Variants in NFAT5 observed in about 807,000 individuals in gnomAD.
The protein encoded by NFAT5 is nuclear factor of activated T-cells 5.
NFAT5 carries 31 observed loss-of-function variants against 166.5 expected under a neutral mutation model. The observed-to-expected ratio is 0.19, with a 90% confidence interval of 0.14 to 0.25. NFAT5 has a LOEUF of 0.25. Among genes scored for constraint, NFAT5 ranks in the 10% least tolerant of loss-of-function variants. The pLI, the probability that NFAT5 is intolerant of heterozygous loss-of-function variation, is 1.00. For missense variants in NFAT5, 1,449 were observed against 1,821.8 expected, an observed-to-expected ratio of 0.80 and a Z score of 3.72; for synonymous variants, 612 against 639.7, an observed-to-expected ratio of 0.96 and a Z score of 0.65.
intron 2 of NFAT5, among the ~76,000 whole-genome samples, chr16:69,582,771 T>C (rs2031782709): frequency 6.6e-6 from 1 of 151,882 alleles, no homozygotes; most frequent in Admixed American, 6.6e-5. Context: ...ACTGTAGCTT[T>C]GTAGAAGTTT....
chr16:69,581,033 TTTTG>T (rs1425329093), intron 2 of NFAT5, among the ~76,000 whole-genome samples: 2 of 152,238 alleles, frequency 1.3e-5, no homozygotes, highest in Non-Finnish European at 2.9e-5. Context: ...ACAAAGTTCA[TTTTG>T]TTTGTTTGTT....
At position 69,566,154 on chromosome 16, in the gene NFAT5, G is replaced by A; in HGVS notation, c.-148G>A. ...CGTTTCCTCGGTCCTCGGCCCAGTG[G>A]AAGTCACTACCCTCGAGGAGGAGGC... On this transcript the variant is annotated 5_prime_UTR_variant, in exon 1 of 15. Transcript: ENST00000349945. This position sits in a 1 kb window ranked among gnomAD's most constrained non-coding sequence, Gnocchi z 5.7. The A allele has an allele frequency of 1.6e-6, 1 of 631,338 alleles. No individual in the cohort carries two copies. The highest frequency in any genetic ancestry group is 2.7e-6 in the Non-Finnish European group (1 of 367,624). The allele number at this position is 631,338 out of a possible 1,614,324, so 39.1% of individuals were successfully genotyped here.
At position 69,648,430 on chromosome 16, in the gene NFAT5, A is replaced by T. The variant is rs991240479; in HGVS notation, c.812+844A>T. ...AGCTTTTTTCCTTTGATACTAATAC[A>T]TTGATTGTACAGAGTCGATATTTTT... On this transcript the variant is annotated intron_variant, in intron 4 of 14. Coordinates refer to ENST00000349945, the MANE Select transcript of NFAT5 (RefSeq NM_138713.4). 17 of 982,492 alleles carry T rather than the reference A, an allele frequency of 1.7e-5. No individual in the cohort carries two copies. In the African/African-American group the frequency reaches 2.8e-4, roughly 16 times the overall value. 60.9% of individuals were successfully genotyped at this position (982,492 alleles called of 1,614,324 possible). A position where few individuals can be genotyped will look rare whatever the true frequency, so the allele number is the denominator to read the frequency against.
At chr16:69,673,095 C>G (rs1397060201) in intron 9 of NFAT5, among the ~76,000 whole-genome samples, 1 of 151,872 alleles carries the variant, frequency 6.6e-6, no homozygotes, top group Non-Finnish European at 1.5e-5. Flanking sequence ...GGCAGTTATG[C>G]CAGCTACAGT....
chr16:69,604,210 A>G (rs150002430), intron 2 of NFAT5, among the ~76,000 whole-genome samples: 3 of 152,322 alleles, frequency 2.0e-5, no homozygotes, highest in Non-Finnish European at 4.4e-5. Context: ...ACGTGCACAC[A>G]CACACTCCGT....
rs1473120096 is a variant in NFAT5 at position 69,703,749 on chromosome 16, T to C, written c.*7398T>C. The C allele has an allele frequency of 1.3e-5, 2 of 152,598 alleles. No homozygotes were observed. Among genetic ancestry groups the C allele is most frequent in the African/African-American group, 4.8e-5 (2 of 41,440 alleles). 9.5% of individuals were successfully genotyped at this position (152,598 alleles called of 1,614,324 possible). A position where few individuals can be genotyped will look rare whatever the true frequency, so the allele number is the denominator to read the frequency against. ...CTCTAGTTACATTCCTCCCTTCTTA[T>C]TCCCTTTTTCTCTTCCTCACTTTAT... On this transcript the variant is annotated 3_prime_UTR_variant, in exon 15 of 15. Transcript: ENST00000349945.
At position 69,653,313 on chromosome 16, in the gene NFAT5, G is replaced by A; in HGVS notation, c.890G>A (p.Gly297Glu). Residue 297 changes from glycine (G) to glutamate (E), a missense_variant, in exon 5 of 15, where the codon GGA becomes GAA. This residue lies in a region of NFAT5 where 115 missense variants were observed against 177.1 expected (regional missense o/e 0.65). Coordinates refer to ENST00000349945, the MANE Select transcript of NFAT5 (RefSeq NM_138713.4). The part of the protein sequence containing the change: ...LCGQYPVKSE[G>E]KELKIVVQPE... ...GGACAATATCCTGTTAAAAGTGAGG[G>A]AAAGGAGCTGAAGATAGTTGTACAA... The A allele has an allele frequency of 1.2e-6, 2 of 1,612,832 alleles. No individual in the cohort carries two copies. The highest frequency in any genetic ancestry group is 1.7e-6 in the Non-Finnish European group (2 of 1,179,596).
intron 2 of NFAT5, among the ~76,000 whole-genome samples, chr16:69,573,664 T>C (rs538842128): frequency 4.1e-4 from 63 of 152,298 alleles, no homozygotes; most frequent in African/African-American, 1.4e-3. Flanking sequence ...TCCTAAACTC[T>C]GCTTTCATTA....
At chr16:69,658,941 TTTTGTAATCTGCTTTTTACTTAACATATC>T (rs2036007313) in intron 6 of NFAT5, among the ~76,000 whole-genome samples, 1 of 152,202 alleles carries the variant, frequency 6.6e-6, no homozygotes, top group Non-Finnish European at 1.5e-5. Flanking sequence ...GTACCCACTG[TTTTGTAATCTGCTTTTTACTTAACATATC>T]ATGAGCATTT....
chr16:69,688,835 G>A (rs1204746031), intron 11 of NFAT5, among the ~76,000 whole-genome samples: 1 of 151,640 alleles, frequency 6.6e-6, no homozygotes, highest in Non-Finnish European at 1.5e-5. Context: ...ATGATCTAAT[G>A]GAATTCAAAA....
At chr16:69,691,669 G>A in intron 12 of NFAT5, 80 bp from the exon 13 acceptor site, 1 of 1,099,046 alleles carries the variant, frequency 9.1e-7, no homozygotes, top group Non-Finnish European at 1.3e-6. Context: ...TATTTTTAGA[G>A]CAATAGTGAT....
chr16:69,570,650 A>G (rs946212468), intron 2 of NFAT5, among the ~76,000 whole-genome samples: 3 of 152,076 alleles, frequency 2.0e-5, no homozygotes, highest in African/African-American at 7.2e-5. Context: ...GGAATATTCT[A>G]GTTTATTTCA....
intron 10 of NFAT5, among the ~76,000 whole-genome samples, chr16:69,684,179 A>C (rs1158569810): frequency 6.6e-6 from 1 of 150,662 alleles, no homozygotes; most frequent in Non-Finnish European, 1.5e-5. Context: ...GAATCACTTG[A>C]ACCTGGGAGG....
chr16:69,584,320 C>CTT lies in NFAT5; in HGVS notation c.127+15785_127+15786dup, dbSNP rs544753398. Among the ~76,000 whole-genome samples the CTT allele has an allele frequency of 6.0e-4, 84 of 139,674 alleles. 1 individual carries two copies. The highest frequency in any genetic ancestry group is 8.6e-4 in the African/African-American group (33 of 38,186). The allele number at this position is 139,674 out of a possible 152,430, so 91.6% of individuals were successfully genotyped here. A position where few individuals can be genotyped will look rare whatever the true frequency, so the allele number is the denominator to read the frequency against. On this transcript the variant is annotated intron_variant, in intron 2 of 14. Transcript: ENST00000349945. Reference sequence around the variant, plus strand: ...ATTGAGGTGTATTTGTTCTGTGTCTCTTTTTTTTTTTTTTGACAGAGTGTT... The same window carrying CTT: ...ATTGAGGTGTATTTGTTCTGTGTCTCTTTTTTTTTTTTTTTTGACAGAGTGTT...
chr16:69,660,271 T>A (rs571388261), intron 7 of NFAT5, among the ~76,000 whole-genome samples: 25 of 152,128 alleles, frequency 1.6e-4, no homozygotes, highest in South Asian at 1.0e-3. Flanking sequence ...AATAAAAAAA[T>A]ATATATAATA....
At chr16:69,663,332 CT>C (rs1250931610) in intron 7 of NFAT5, among the ~76,000 whole-genome samples, 1 of 152,054 alleles carries the variant, frequency 6.6e-6, no homozygotes, top group East Asian at 1.9e-4. Context: ...AAGATCATCC[CT>C]TTTTACATTC....
chr16:69,668,169 T>C (rs2036479686), intron 7 of NFAT5, among the ~76,000 whole-genome samples: 1 of 152,138 alleles, frequency 6.6e-6, no homozygotes, highest in Non-Finnish European at 1.5e-5. Context: ...GGTTTCACCA[T>C]GTTGGCCAGG....
chr16:69,693,465 C>T lies in NFAT5; in HGVS notation c.3640C>T (p.Leu1214Phe). ...AATATCACACATCCAGACTCCTATG[C>T]TTTCCCAAGAACAGGCACAACCCCC... ...APISHIQTPM[L>F]SQEQAQPPQQ... Residue 1214 changes from leucine to phenylalanine, a missense_variant, in exon 13 of 15, where the codon CTT becomes TTT. By Grantham distance (22) the Leu-to-Phe change is conservative. This residue lies in a region of NFAT5 where 891 missense variants were observed against 993.0 expected (regional missense o/e 0.90). Coordinates refer to ENST00000349945, the MANE Select transcript of NFAT5 (RefSeq NM_138713.4). The T allele has an allele frequency of 6.2e-7, 1 of 1,614,194 alleles. No individual in the cohort carries two copies. Among genetic ancestry groups the T allele is most frequent in the African/African-American group, 1.3e-5 (1 of 75,042 alleles).
At chr16:69,684,787 AATG>A in intron 10 of NFAT5, 97 bp from the exon 11 acceptor site, 1 of 744,024 alleles carries the variant, frequency 1.3e-6, no homozygotes, top group Non-Finnish European at 2.1e-6. Context: ...TAAATAATTA[AATG>A]ATACTTTGTG....
Sources: allele counts gnomAD v4.1 joint callset (sites outside exome capture counted in the v4.1 genomes callset), GRCh38; gene constraint gnomAD v4.1.1; regional missense constraint gnomAD v4.1.1; non-coding constraint Gnocchi (gnomAD v3.1); transcripts MANE v1.5; gene names NCBI Gene and HGNC (gene_info 2026-07-23, HGNC 2026-07-21).